MRPS9: variants seen among roughly 807,000 people sequenced by gnomAD.
MRPS9 encodes the protein small ribosomal subunit protein uS9m.
MRPS9 carries 45 observed loss-of-function variants against 59.9 expected under a neutral mutation model. The observed-to-expected ratio is 0.75, with a 90% CI of 0.59 to 0.96. The LOEUF (loss-of-function observed/expected upper bound fraction) is 0.96, where lower values mean the gene tolerates loss of function less well. MRPS9 is among the 40% of genes least tolerant of loss of function. The probability of loss-of-function intolerance (pLI) is 0.00; values close to 1 mark genes in which losing one functional copy is unlikely to be tolerated. For missense variants in MRPS9, 473 were observed against 481.1 expected (o/e 0.98, Z 0.16); for synonymous variants, 171 against 166.8 (o/e 1.03, Z -0.19).
intron 4 of MRPS9, 40 bp from the exon 5 acceptor site, chr2:105,079,943 G>A (rs1202000937): frequency 1.0e-5 from 15 of 1,475,728 alleles, no homozygotes; most frequent in Non-Finnish European, 1.4e-5. Context: ...CTGTCTCTGT[G>A]TATATTTTTA....
At chr2:105,053,663 T>C (rs929900016) in intron 2 of MRPS9, among the ~76,000 whole-genome samples, 4 of 152,188 alleles carry the variant, frequency 2.6e-5, no homozygotes, top group African/African-American at 9.6e-5. Flanking sequence ...TAGAAACCAA[T>C]TTTAAACAAT....
intron 2 of MRPS9, among the ~76,000 whole-genome samples, chr2:105,061,161 T>G (rs540942305): frequency 1.3e-5 from 2 of 148,730 alleles, no homozygotes; most frequent in Non-Finnish European, 3.0e-5. Context: ...TGGAAGGGCT[T>G]GAGCAAATGC....
At chr2:105,049,755 T>C (rs191750993) in intron 2 of MRPS9, among the ~76,000 whole-genome samples, 1 of 152,320 alleles carries the variant, frequency 6.6e-6, no homozygotes, top group East Asian at 1.9e-4. Flanking sequence ...AATGGGGGCG[T>C]AGTCTAAGTG....
At chr2:105,038,586 A>C in intron 1 of MRPS9, 1 of 198,856 alleles carries the variant, frequency 5.0e-6, no homozygotes, top group Non-Finnish European at 1.0e-5. Flanking sequence ...GCGCCAGAGA[A>C]GAATGATGGG....
chr2:105,058,930 G>A (rs1417614754), intron 2 of MRPS9, among the ~76,000 whole-genome samples: 7 of 151,932 alleles, frequency 4.6e-5, no homozygotes, highest in African/African-American at 1.2e-4. Flanking sequence ...CACCCACCTC[G>A]GCCTCCCAAA....
At chr2:105,042,636 T>G (rs1350164966) in intron 1 of MRPS9, among the ~76,000 whole-genome samples, 1 of 152,234 alleles carries the variant, frequency 6.6e-6, no homozygotes, top group African/African-American at 2.4e-5. Context: ...ACCTGCTGTA[T>G]CATTCTTTTT....
chr2:105,059,497 G>C (rs1038919993), intron 2 of MRPS9, among the ~76,000 whole-genome samples: 1 of 152,036 alleles, frequency 6.6e-6, no homozygotes, highest in Admixed American at 6.6e-5. Context: ...TACCTGGCTA[G>C]CAGGATTGTT....
chr2:105,039,252 A>T (rs1331872002), intron 1 of MRPS9, among the ~76,000 whole-genome samples: 1 of 150,730 alleles, frequency 6.6e-6, no homozygotes. Context: ...ATCTTTTTGT[A>T]TGTTCTTTCC....
intron 2 of MRPS9, among the ~76,000 whole-genome samples, chr2:105,064,565 C>A (rs1478803618): frequency 1.3e-5 from 2 of 152,128 alleles, no homozygotes; most frequent in Non-Finnish European, 2.9e-5. Context: ...GGGCCTCACC[C>A]CTTTGTGAGT....
chr2:105,093,362 C>T (rs1052197009), intron 8 of MRPS9, among the ~76,000 whole-genome samples, 168 bp from the exon 9 acceptor site: 9 of 152,100 alleles, frequency 5.9e-5, no homozygotes, highest in African/African-American at 2.2e-4. Context: ...ATCTGTTGTG[C>T]TGTAGTTTAC....
chr2:105,058,054 A>G (rs1056437124), intron 2 of MRPS9, among the ~76,000 whole-genome samples: 7 of 152,176 alleles, frequency 4.6e-5, no homozygotes, highest in African/African-American at 1.7e-4. Flanking sequence ...AATATGCTGT[A>G]TGAAGTTTCT....
Position 105,086,813 on chromosome 2 carries a change from G to GCTGGCACCCA in MRPS9, c.490-2171_490-2170insCTGGCACCCA, listed in dbSNP as rs1256041698. Among the ~76,000 whole-genome samples the GCTGGCACCCA allele has an allele frequency of 4.6e-5, 7 of 151,782 alleles. No individual in the cohort carries two copies. The East Asian group carries it at 1.4e-3, about 30-fold the overall frequency. ...AGTTTCCTTACCAGAGCACCCCAAT[G>GCTGGCACCCA]GAGCCACAGTCTGCCTGTGGTCCAG... On this transcript the variant is annotated intron_variant, in intron 5 of 10. Transcript: ENST00000258455.
chr2:105,078,673 T>G (rs1249073561), intron 4 of MRPS9, among the ~76,000 whole-genome samples: 1 of 152,170 alleles, frequency 6.6e-6, no homozygotes, highest in Non-Finnish European at 1.5e-5. Context: ...GTGGTCTTTG[T>G]TTCAGAAGAA....
chr2:105,058,001 A>G lies in MRPS9; in HGVS notation c.315+8651A>G, dbSNP rs926565144. On this transcript the variant is annotated intron_variant, in intron 2 of 10. Coordinates refer to ENST00000258455, the MANE Select transcript of MRPS9 (RefSeq NM_182640.3). The stretch of plus-strand genomic sequence containing the variant: ...CCAATTACTTTTTAATTGGTATTAT[A>G]GACCTCATTCTGAAACCAGAATGTT... Among the ~76,000 whole-genome samples the G allele has an allele frequency of 3.9e-5, 6 of 152,358 alleles. No homozygotes were observed. In the East Asian group the frequency reaches 1.2e-3, roughly 29 times the overall value.
intron 7 of MRPS9, chr2:105,091,301 A>T: frequency 2.1e-6 from 1 of 471,062 alleles, no homozygotes; most frequent in Non-Finnish European, 4.4e-6. Context: ...GCTGAGTTCC[A>T]CCCATAGTGC....
intron 6 of MRPS9, among the ~76,000 whole-genome samples, chr2:105,089,483 C>G (rs1680515423): frequency 6.6e-6 from 1 of 152,156 alleles, no homozygotes; most frequent in East Asian, 1.9e-4. Context: ...TAAATTTTGG[C>G]CTATCTATTC....
chr2:105,050,874 C>G (rs1373951596), intron 2 of MRPS9, among the ~76,000 whole-genome samples: 6 of 152,184 alleles, frequency 3.9e-5, no homozygotes, highest in Non-Finnish European at 7.3e-5. Flanking sequence ...TGACTTGTTT[C>G]ACTTAGCACA....
intron 2 of MRPS9, among the ~76,000 whole-genome samples, chr2:105,054,631 C>T (rs2104444459): frequency 7.1e-6 from 1 of 141,278 alleles, no homozygotes; most frequent in Non-Finnish European, 1.5e-5. Flanking sequence ...TTTGGTATCG[C>T]ATTTTATTAA....
intron 4 of MRPS9, among the ~76,000 whole-genome samples, chr2:105,076,010 G>A (rs1209724175): frequency 1.3e-5 from 2 of 152,016 alleles, no homozygotes; most frequent in African/African-American, 4.8e-5. Flanking sequence ...AAAAAAAAAA[G>A]TGTGGCTAAA....
Sources: allele counts gnomAD v4.1 joint callset (sites outside exome capture counted in the v4.1 genomes callset), GRCh38; gene constraint gnomAD v4.1.1; transcripts MANE v1.5; gene names NCBI Gene and HGNC (gene_info 2026-07-23, HGNC 2026-07-21).